Variants in PTPRG observed in about 807,000 individuals in gnomAD.
PTPRG encodes the protein receptor-type tyrosine-protein phosphatase gamma.
A neutral mutation model predicts 165.3 loss-of-function variants in PTPRG; 102 were observed. The observed-to-expected ratio is 0.62, with a 90% CI of 0.53 to 0.73. PTPRG has a LOEUF of 0.73. Ranked by LOEUF, PTPRG falls within the 30% of genes least tolerant of loss-of-function variation. The pLI is 0.00. For synonymous variants in PTPRG, 675 were observed against 669.5 expected (o/e 1.01, Z -0.13); for missense variants, 1,866 against 1,861.4 (o/e 1.00, Z -0.05).
At chr3:61,583,564 T>C in intron 1 of PTPRG, among the ~76,000 whole-genome samples, 1 of 152,202 alleles carries the variant, frequency 6.6e-6, no homozygotes, top group East Asian at 1.9e-4. Context: ...CATTCTTTGC[T>C]AATAGGACCT....
intron 4 of PTPRG, among the ~76,000 whole-genome samples, chr3:62,020,230 C>G (rs1310935278): frequency 6.6e-6 from 1 of 152,098 alleles, no homozygotes; most frequent in Non-Finnish European, 1.5e-5. Context: ...TCTAATATCT[C>G]TCAGTTCTTC....
chr3:61,629,585 C>A (rs1489771458), intron 1 of PTPRG, among the ~76,000 whole-genome samples: 1 of 152,168 alleles, frequency 6.6e-6, no homozygotes. Context: ...GTTTTAACAT[C>A]AAAGTTGACA....
chr3:61,998,991 A>C (rs115279932), intron 3 of PTPRG, among the ~76,000 whole-genome samples: 2,042 of 152,258 alleles, frequency 0.013, 42 homozygotes, highest in South Asian at 0.072. Flanking sequence ...TTTCTGATTC[A>C]TAGATGATAC....
At chr3:61,712,404 T>A (rs2106753816) in intron 1 of PTPRG, among the ~76,000 whole-genome samples, 1 of 152,266 alleles carries the variant, frequency 6.6e-6, no homozygotes, top group South Asian at 2.1e-4. Flanking sequence ...TCTTCCCCAT[T>A]GATATTGTTT....
chr3:62,243,810 A>G lies in PTPRG; in HGVS notation c.2379A>G (p.Lys793=), dbSNP rs1202738525. The part of the protein sequence containing the change: ...SGERGEKGSR[K]CFQTAHFYVE... ...TGTTTTTCTCTTTTCTACACAGAAA[A>G]TGTTTTCAGACTGCTCATTTCTATG... Residue 793 remains lysine, a synonymous_variant, in exon 15 of 30, where the codon AAA becomes AAG. Transcript: ENST00000474889. 1.3e-6 allele frequency: 2 copies of G among 1,573,744 alleles called. No homozygotes were observed. Among genetic ancestry groups the G allele is most frequent in the East Asian group, 4.5e-5 (2 of 44,604 alleles).
intron 5 of PTPRG, chr3:62,124,613 A>G (rs1703216604): frequency 1.3e-5 from 2 of 155,870 alleles, no homozygotes; most frequent in South Asian, 1.4e-4. Flanking sequence ...TTTCATGCTG[A>G]CCGCGAGGGA....
chr3:61,742,229 T>C (rs1386983938), intron 1 of PTPRG, among the ~76,000 whole-genome samples: 1 of 152,120 alleles, frequency 6.6e-6, no homozygotes, highest in Non-Finnish European at 1.5e-5. Flanking sequence ...TTAAGGCAGA[T>C]GGGATACACA....
chr3:61,994,370 G>A lies in PTPRG; in HGVS notation c.370+4566G>A, dbSNP rs895658219. Among the ~76,000 whole-genome samples, 9 of 152,098 alleles carry A rather than the reference G, an allele frequency of 5.9e-5. 1 individual carries two copies. The South Asian group carries it at 1.0e-3, about 18-fold the overall frequency. ...TTATATCCCACACTGAGGACAAATA[G>A]TAAATGTGTTTACCACAAGGCATGC... is the stretch of plus-strand genomic sequence containing the variant. On this transcript the variant is annotated intron_variant, in intron 3 of 29. Transcript: ENST00000474889.
chr3:61,881,302 A>G (rs912201706), intron 2 of PTPRG, among the ~76,000 whole-genome samples: 7 of 152,198 alleles, frequency 4.6e-5, no homozygotes, highest in South Asian at 2.1e-4. Context: ...TACTGCATCT[A>G]TCAACTTGGG....
intron 5 of PTPRG, among the ~76,000 whole-genome samples, chr3:62,104,326 T>C (rs146468278): frequency 1.0e-3 from 156 of 152,352 alleles, no homozygotes; most frequent in African/African-American, 3.4e-3. Flanking sequence ...GTGGTTATTG[T>C]CTTCTTTTGC....
In PTPRG at chr3:61,752,794, A is replaced by AAAAAAAAAG. The variant is rs1223985797; in HGVS notation, c.190+3819_190+3820insAGAAAAAAA. 2.8e-5 allele frequency among the ~76,000 whole-genome samples: 3 copies of AAAAAAAAAG among 106,026 alleles called. No homozygotes were observed. In the South Asian group the frequency reaches 9.1e-4, roughly 32 times the overall value. The allele number at this position is 106,026 out of a possible 152,430, so 69.6% of individuals were successfully genotyped here. A position where few individuals can be genotyped will look rare whatever the true frequency, so the allele number is the denominator to read the frequency against. The stretch of plus-strand genomic sequence containing the variant: ...TAGAGCAAGACTGTCTCAAAAAAAA[A>AAAAAAAAAG]AAAAAAAGAAAAAAAAAAAGAAAAT... On this transcript the variant is annotated intron_variant, in intron 2 of 29. Coordinates refer to ENST00000474889, the MANE Select transcript of PTPRG (RefSeq NM_002841.4).
chr3:61,856,392 A>G (rs975403574), intron 2 of PTPRG, among the ~76,000 whole-genome samples: 11 of 152,182 alleles, frequency 7.2e-5, no homozygotes, highest in African/African-American at 2.7e-4. Flanking sequence ...TACAAAATTT[A>G]TATTTTAAGC....
chr3:62,180,370 GAA>G (rs1319669086), intron 8 of PTPRG, among the ~76,000 whole-genome samples: 1 of 152,166 alleles, frequency 6.6e-6, no homozygotes, highest in Non-Finnish European at 1.5e-5. Context: ...GGAAGCAGGA[GAA>G]AAACATCGTT....
intron 2 of PTPRG, among the ~76,000 whole-genome samples, chr3:61,838,952 A>G (rs1406573768): frequency 6.6e-6 from 1 of 152,214 alleles, no homozygotes; most frequent in African/African-American, 2.4e-5. Context: ...TAAGTGAACA[A>G]TAGTGTGAAG....
At chr3:61,851,906 A>G (rs2036974902) in intron 2 of PTPRG, among the ~76,000 whole-genome samples, 1 of 152,108 alleles carries the variant, frequency 6.6e-6, no homozygotes, top group African/African-American at 2.4e-5. Flanking sequence ...GAGTCACGTA[A>G]TTTTCCAGTG....
chr3:61,903,600 C>T (rs541142963), intron 2 of PTPRG, among the ~76,000 whole-genome samples: 2 of 152,264 alleles, frequency 1.3e-5, no homozygotes, highest in African/African-American at 2.4e-5. Flanking sequence ...TCTGGAACTC[C>T]TGACCTCAGG....
At chr3:62,069,138 A>T (rs551649460) in intron 4 of PTPRG, among the ~76,000 whole-genome samples, 1 of 152,212 alleles carries the variant, frequency 6.6e-6, no homozygotes, top group Non-Finnish European at 1.5e-5. Context: ...GGTCATGAAG[A>T]AAGTCATCAG....
intron 4 of PTPRG, among the ~76,000 whole-genome samples, chr3:62,057,042 T>C (rs959291551): frequency 2.0e-5 from 3 of 152,210 alleles, no homozygotes; most frequent in African/African-American, 7.2e-5. Flanking sequence ...GTAAAGCTCT[T>C]TCATCTAAAC....
chr3:62,180,390 A>G (rs192830786), intron 8 of PTPRG, among the ~76,000 whole-genome samples: 42 of 152,306 alleles, frequency 2.8e-4, no homozygotes, highest in African/African-American at 8.9e-4. Flanking sequence ...GTTATGAAAG[A>G]AGGACACTGG....
Sources: gnomAD v4.1 joint callset for allele counts (sites outside exome capture counted in the v4.1 genomes callset) on GRCh38, gnomAD v4.1.1 for gene constraint, MANE v1.5 for transcripts, NCBI Gene and HGNC (gene_info 2026-07-23, HGNC 2026-07-21) for gene names.